Variants in SRCAP observed in about 807,000 individuals in gnomAD.
SRCAP encodes Snf2 related CREBBP activator protein.
SRCAP carries 46 observed loss-of-function variants against 263.1 expected under a neutral mutation model. The ratio of observed to expected loss-of-function variants is 0.17; its 90% CI spans 0.14 to 0.22. The LOEUF (loss-of-function observed/expected upper bound fraction) is 0.22, where lower values mean the gene tolerates loss of function less well. Among genes scored for constraint, SRCAP ranks in the 10% least tolerant of loss-of-function variants. The pLI, the probability that SRCAP is intolerant of heterozygous loss-of-function variation, is 1.00. For synonymous variants in SRCAP, 1,813 were observed against 1,662.1 expected (o/e 1.09, Z -2.21); for missense variants, 3,695 against 4,181.9 (o/e 0.88, Z 3.21).
intron 14 of SRCAP, 75 bp downstream of exon 14, chr16:30,712,890 C>A: frequency 1.3e-6 from 2 of 1,527,768 alleles, no homozygotes; most frequent in Non-Finnish European, 1.8e-6. Flanking sequence ...CAGGTGAATT[C>A]CTTTCTCTCC....
chr16:30,721,796 A>T (rs1021611815), intron 21 of SRCAP, among the ~76,000 whole-genome samples: 1 of 152,258 alleles, frequency 6.6e-6, no homozygotes, highest in Non-Finnish European at 1.5e-5. Flanking sequence ...TGACACATAG[A>T]TGAATAAATA....
At chr16:30,730,500 C>T (rs1262958034) in intron 27 of SRCAP, among the ~76,000 whole-genome samples, 3 of 152,136 alleles carry the variant, frequency 2.0e-5, no homozygotes, top group Non-Finnish European at 2.9e-5. Context: ...GGCTCGATCT[C>T]GGCTCACTGC....
intron 25 of SRCAP, among the ~76,000 whole-genome samples, chr16:30,728,584 T>C (rs1247809390): frequency 1.3e-5 from 2 of 152,236 alleles, no homozygotes; most frequent in South Asian, 2.1e-4. Flanking sequence ...TGAAGAAGGC[T>C]ATAGTCCTGG....
intron 18 of SRCAP, among the ~76,000 whole-genome samples, chr16:30,717,021 C>T (rs564041563): frequency 5.5e-4 from 84 of 152,256 alleles, no homozygotes; most frequent in African/African-American, 1.8e-3. Flanking sequence ...TTGGGAAAAC[C>T]TCCACTGTTT....
intron 13 of SRCAP, 69 bp downstream of exon 13, chr16:30,712,508 T>G (rs1596647972): frequency 6.6e-7 from 1 of 1,522,050 alleles, no homozygotes; most frequent in East Asian, 2.3e-5. Context: ...CAGTGATGAC[T>G]CCAGCTTCAT....
intron 23 of SRCAP, 101 bp downstream of exon 23, chr16:30,722,849 CT>C: frequency 6.5e-7 from 1 of 1,545,040 alleles, no homozygotes; most frequent in Non-Finnish European, 8.7e-7. Context: ...GTTGTTTTCC[CT>C]TGCGAATATC....
intron 21 of SRCAP, among the ~76,000 whole-genome samples, chr16:30,721,824 A>G (rs1000522641): frequency 6.6e-6 from 1 of 152,250 alleles, no homozygotes; most frequent in Admixed American, 6.5e-5. Context: ...GCCTAGCAGT[A>G]GAAAAGTATT....
chr16:30,716,040 T>C (rs2052945700), intron 16 of SRCAP, 26 bp from the exon 17 acceptor site: 3 of 1,613,612 alleles, frequency 1.9e-6, no homozygotes, highest in Non-Finnish European at 2.5e-6. Context: ...TTCTCCTGTT[T>C]AGCCTCCAGC....
chr16:30,708,188 T>G (rs191279647), intron 6 of SRCAP, among the ~76,000 whole-genome samples: 87 of 152,302 alleles, frequency 5.7e-4, no homozygotes, highest in Non-Finnish European at 1.0e-3. Flanking sequence ...TTTTTCCTCA[T>G]GTGTACTTAG....
At chr16:30,729,710 T>C (rs2053095431) in intron 27 of SRCAP, 138 bp downstream of exon 27, 1 of 941,588 alleles carries the variant, frequency 1.1e-6, no homozygotes, top group South Asian at 1.7e-5. Context: ...GTTATGCTTA[T>C]GGGCAAGATA....
chr16:30,705,931 C>T (rs762070778), intron 4 of SRCAP, among the ~76,000 whole-genome samples: 48 of 152,152 alleles, frequency 3.2e-4, no homozygotes, highest in Middle Eastern at 3.2e-3. Flanking sequence ...GTCTCGATCT[C>T]CTGACCTTGT....
intron 3 of SRCAP, among the ~76,000 whole-genome samples, chr16:30,702,470 G>A (rs1036896220): frequency 6.6e-6 from 1 of 151,496 alleles, no homozygotes; most frequent in African/African-American, 2.4e-5. Flanking sequence ...CTGACCTCTG[G>A]TAATCCACCC....
chr16:30,730,278 A>G (rs1042367781), intron 27 of SRCAP, among the ~76,000 whole-genome samples: 2 of 152,186 alleles, frequency 1.3e-5, no homozygotes, highest in African/African-American at 4.8e-5. Flanking sequence ...CTTGGAAAAG[A>G]CAAGGACCTT....
chr16:30,706,859 T>C (rs2052833479), intron 4 of SRCAP, among the ~76,000 whole-genome samples: 1 of 152,148 alleles, frequency 6.6e-6, no homozygotes, highest in Non-Finnish European at 1.5e-5. Context: ...GTCTATGGGG[T>C]GTGGAGATTG....
intron 8 of SRCAP, 38 bp downstream of exon 8, chr16:30,710,166 G>GCC: frequency 3.1e-6 from 5 of 1,591,484 alleles, no homozygotes; most frequent in Non-Finnish European, 4.3e-6. Flanking sequence ...TTCAGAGGGG[G>GCC]AACAGAGGGA....
At chr16:30,703,433 A>G (rs2151284205) in intron 3 of SRCAP, among the ~76,000 whole-genome samples, 2 of 150,598 alleles carry the variant, frequency 1.3e-5, no homozygotes, top group South Asian at 2.1e-4. Flanking sequence ...ACCTCAGGTG[A>G]TCCACCCACC....
intron 27 of SRCAP, among the ~76,000 whole-genome samples, chr16:30,732,760 A>G (rs972163967): frequency 6.6e-6 from 1 of 152,214 alleles, no homozygotes; most frequent in Non-Finnish European, 1.5e-5. Context: ...TTTAGACTCC[A>G]AGAAGTTAGA....
At position 30,737,629 on chromosome 16, in the gene SRCAP, G is replaced by A. The variant is rs1363095922; in HGVS notation, c.7589G>A (p.Gly2530Asp). The A allele has an allele frequency of 6.2e-7, 1 of 1,613,530 alleles. No individual in the cohort carries two copies. Among genetic ancestry groups the A allele is most frequent in the African/African-American group, 1.3e-5 (1 of 74,774 alleles). The change falls in exon 34 of 34, where the codon GGT (glycine) becomes GAT (aspartate). Residue 2530 changes from glycine to aspartate, a missense_variant. By Grantham distance (94) the Gly-to-Asp change is moderately conservative. This residue lies in a region of SRCAP where 1,207 missense variants were observed against 1,142.9 expected (regional missense o/e 1.06). Coordinates refer to ENST00000262518, the MANE Select transcript of SRCAP (RefSeq NM_006662.3). The stretch of plus-strand genomic sequence containing the variant: ...ACTCCTTCCTCTCCTCTCTTGCTTG[G>A]TCCACCTTCTGTGCCCATCTCTGCC... ...LVTPSSPLLL[G>D]PPSVPISASV...
intron 16 of SRCAP, among the ~76,000 whole-genome samples, chr16:30,714,280 GGT>G (rs1423012861): frequency 6.6e-6 from 1 of 151,642 alleles, no homozygotes; most frequent in Non-Finnish European, 1.5e-5. Flanking sequence ...TAGCCAGGAT[GGT>G]CTCCATCTCC....
Sources: gnomAD v4.1 joint callset for allele counts (sites outside exome capture counted in the v4.1 genomes callset) on GRCh38, gnomAD v4.1.1 for gene constraint, gnomAD v4.1.1 regional missense constraint, MANE v1.5 for transcripts, NCBI Gene and HGNC (gene_info 2026-07-23, HGNC 2026-07-21) for gene names.